The following RNF141 variants were observed in gnomAD, a reference collection of about 807,000 sequenced individuals.
The protein encoded by RNF141 is C3HC4-like zinc finger protein.
RNF141 carries 18 observed loss-of-function variants against 27.4 expected under a neutral mutation model. The observed-to-expected ratio is 0.66, with a 90% CI of 0.45 to 0.97. The LOEUF (loss-of-function observed/expected upper bound fraction) is 0.97. RNF141 is among the 50% of genes least tolerant of loss of function. The pLI is 0.00. For missense variants in RNF141, 230 were observed against 279.4 expected, an observed-to-expected ratio of 0.82 and a Z score of 1.26; for synonymous variants, 97 against 96.6, an observed-to-expected ratio of 1.00 and a Z score of -0.02.
intron 5 of RNF141, among the ~76,000 whole-genome samples, chr11:10,518,037 T>C (rs1312330026): frequency 6.6e-6 from 1 of 152,070 alleles, no homozygotes; most frequent in African/African-American, 2.4e-5. Context: ...AAGACCTAAA[T>C]AAGTGGAGAA....
chr11:10,520,266 A>G (rs1849877955), intron 4 of RNF141, among the ~76,000 whole-genome samples: 1 of 152,174 alleles, frequency 6.6e-6, no homozygotes, highest in Non-Finnish European at 1.5e-5. Flanking sequence ...TCTTTTTGTA[A>G]CAACACTTAC....
intron 3 of RNF141, among the ~76,000 whole-genome samples, chr11:10,528,582 G>A (rs1037014770): frequency 5.3e-5 from 8 of 152,126 alleles, no homozygotes; most frequent in Middle Eastern, 3.2e-3. Flanking sequence ...TGATATATTC[G>A]TATTCCCTTA....
chr11:10,534,433 A>G (rs79843915), intron 1 of RNF141, among the ~76,000 whole-genome samples: 4,020 of 151,946 alleles, frequency 0.026, 75 homozygotes, highest in African/African-American at 0.057. Flanking sequence ...TCTAATTCTT[A>G]TAATTTTACC....
At chr11:10,540,526 G>A (rs1475001725) in intron 1 of RNF141, among the ~76,000 whole-genome samples, 1 of 152,174 alleles carries the variant, frequency 6.6e-6, no homozygotes, top group East Asian at 1.9e-4. Flanking sequence ...TCTTAGCCGG[G>A]TCTCAAGGTA....
chr11:10,524,362 C>G (rs529918602), intron 4 of RNF141, among the ~76,000 whole-genome samples: 24 of 152,090 alleles, frequency 1.6e-4, no homozygotes, highest in Admixed American at 6.5e-5. Context: ...TTGCAGTGAG[C>G]CGAGATCGCG....
intron 3 of RNF141, 49 bp downstream of exon 3, chr11:10,530,594 G>T: frequency 9.8e-7 from 1 of 1,021,282 alleles, no homozygotes; most frequent in Non-Finnish European, 1.5e-6. Flanking sequence ...TATAGTTCTA[G>T]CCACCAAAAT....
In RNF141 at chr11:10,513,551, T is replaced by A. The variant is rs1230053680; in HGVS notation, c.*1365A>T. On this transcript the variant is annotated 3_prime_UTR_variant, in exon 6 of 6. Transcript: ENST00000265981. ...GAAGATCACAATTCCATTATTACTA[T>A]ATTGTTTCAGAATATTTTAATGGAA... is the stretch of plus-strand genomic sequence containing the variant. 1 of 152,240 alleles carries A rather than the reference T, an allele frequency of 6.6e-6. No individual in the cohort carries two copies. The highest frequency in any genetic ancestry group is 1.9e-4 in the East Asian group (1 of 5,206). 9.4% of individuals were successfully genotyped at this position (152,240 alleles called of 1,614,324 possible). A position where few individuals can be genotyped will look rare whatever the true frequency, so the allele number is the denominator to read the frequency against.
At chr11:10,516,503 G>T (rs1849844111) in intron 5 of RNF141, 1 of 152,236 alleles carries the variant, frequency 6.6e-6, no homozygotes, top group Non-Finnish European at 1.5e-5. Flanking sequence ...TGAGAATCTT[G>T]GGGGGCCAAA....
intron 3 of RNF141, 50 bp downstream of exon 3, chr11:10,530,593 A>T: frequency 9.9e-7 from 1 of 1,011,990 alleles, no homozygotes; most frequent in Non-Finnish European, 1.5e-6. Context: ...ATATAGTTCT[A>T]GCCACCAAAA....
intron 4 of RNF141, among the ~76,000 whole-genome samples, chr11:10,524,363 C>A (rs947231143): frequency 1.3e-4 from 20 of 151,802 alleles, no homozygotes; most frequent in African/African-American, 4.8e-4. Flanking sequence ...TGCAGTGAGC[C>A]GAGATCGCGC....
intron 4 of RNF141, among the ~76,000 whole-genome samples, chr11:10,523,583 CTCTT>C (rs1315818534): frequency 6.6e-6 from 1 of 152,176 alleles, no homozygotes; most frequent in Non-Finnish European, 1.5e-5. Flanking sequence ...TTTAGAAAGT[CTCTT>C]TCTGTGAACT....
chr11:10,520,463 C>T (rs1401507056), intron 4 of RNF141, among the ~76,000 whole-genome samples: 2 of 152,162 alleles, frequency 1.3e-5, no homozygotes, highest in Non-Finnish European at 2.9e-5. Context: ...CCTCTTGTCC[C>T]ACTGGAAGGT....
chr11:10,526,910 T>C (rs1049180099), intron 3 of RNF141, among the ~76,000 whole-genome samples: 18 of 152,362 alleles, frequency 1.2e-4, no homozygotes, highest in African/African-American at 4.3e-4. Context: ...CAAGGTTCTT[T>C]GTACTAAAAG....
chr11:10,527,739 CTTG>C (rs1261239214), intron 3 of RNF141, among the ~76,000 whole-genome samples: 1 of 152,032 alleles, frequency 6.6e-6, no homozygotes, highest in African/African-American at 2.4e-5. Flanking sequence ...GAATAGACTG[CTTG>C]TTGTGCTGAG....
intron 3 of RNF141, among the ~76,000 whole-genome samples, chr11:10,529,250 C>A (rs975369398): frequency 6.6e-6 from 1 of 152,188 alleles, no homozygotes; most frequent in African/African-American, 2.4e-5. Flanking sequence ...CAATACTGAC[C>A]AGTGAGTTCA....
chr11:10,538,808 T>G (rs1019905911), intron 1 of RNF141, among the ~76,000 whole-genome samples: 1 of 152,342 alleles, frequency 6.6e-6, no homozygotes, highest in Non-Finnish European at 1.5e-5. Flanking sequence ...AAATCTGTCA[T>G]TAAATTAATG....
intron 5 of RNF141, among the ~76,000 whole-genome samples, chr11:10,518,134 G>A (rs1249873180): frequency 6.6e-6 from 1 of 152,148 alleles, no homozygotes; most frequent in Non-Finnish European, 1.5e-5. Context: ...AATCTCATAT[G>A]CTGCTAGTGG....
At chr11:10,528,876 G>C (rs1267925917) in intron 3 of RNF141, among the ~76,000 whole-genome samples, 1 of 152,100 alleles carries the variant, frequency 6.6e-6, no homozygotes, top group Non-Finnish European at 1.5e-5. Flanking sequence ...CTCTAAAGGG[G>C]AGCTAAGAAC....
At chr11:10,532,983 T>C (rs16907954) in intron 2 of RNF141, among the ~76,000 whole-genome samples, 2,856 of 152,292 alleles carry the variant, frequency 0.019, 88 homozygotes, top group African/African-American at 0.063. Flanking sequence ...GTCCAATCCT[T>C]AGCAGAGGGC....
Sources: allele counts gnomAD v4.1 joint callset (sites outside exome capture counted in the v4.1 genomes callset), GRCh38; gene constraint gnomAD v4.1.1; transcripts MANE v1.5; gene names NCBI Gene and HGNC (gene_info 2026-07-23, HGNC 2026-07-21).